PRSS23: variants seen among roughly 807,000 people sequenced by gnomAD.
PRSS23 encodes the protein serine protease 23.
Under a neutral mutation model 34.7 loss-of-function variants are expected in PRSS23, and 25 were observed. The ratio of observed to expected loss-of-function variants is 0.72; its 90% CI spans 0.53 to 1.01. The LOEUF (loss-of-function observed/expected upper bound fraction) is 1.01, where lower values mean the gene tolerates loss of function less well. Among genes scored for constraint, PRSS23 ranks in the 50% least tolerant of loss-of-function variants. PRSS23 has a pLI of 0.00. For missense variants in PRSS23, 445 were observed against 475.6 expected (o/e 0.94, Z 0.60); for synonymous variants, 176 against 186.6 (o/e 0.94, Z 0.46).
At position 86,843,650 on chromosome 11, in the gene PRSS23, C is replaced by T. The variant is rs531033245; in HGVS notation, c.206+20057C>T. On this transcript the variant is annotated intron_variant, in intron 2 of 2. Coordinates refer to the PRSS23 transcript ENST00000533902. Reference sequence around the variant, plus strand: ...CAAAAGAAGACATTTATGCAGCCAACAGACATATGAAAAAAAGCTCATCAT... The same window carrying T: ...CAAAAGAAGACATTTATGCAGCCAATAGACATATGAAAAAAAGCTCATCAT... Among the ~76,000 whole-genome samples the T allele has an allele frequency of 7.2e-5, 11 of 152,264 alleles. No homozygotes were observed. The South Asian group carries it at 2.3e-3, about 32-fold the overall frequency.
At chr11:86,795,480 C>T (rs550932269) in intron 1 of PRSS23, among the ~76,000 whole-genome samples, 2 of 152,312 alleles carry the variant, frequency 1.3e-5, no homozygotes, top group South Asian at 4.1e-4. Flanking sequence ...TTTGCTACTC[C>T]GGGATCCCAT....
chr11:86,833,212 A>T (rs770465574), intron 2 of PRSS23: 199 of 1,408,044 alleles, frequency 1.4e-4, no homozygotes, highest in Non-Finnish European at 1.9e-4. Context: ...TTGGATGTCC[A>T]CAATCATCTT....
chr11:86,865,185 A>G (rs1339599047), intron 2 of PRSS23, among the ~76,000 whole-genome samples: 1 of 152,194 alleles, frequency 6.6e-6, no homozygotes. Flanking sequence ...GCTCTATGGA[A>G]GCATCACGGT....
chr11:86,951,962 T>A (rs1170992645), exon 3 of PRSS23: 1 of 1,613,922 alleles, frequency 6.2e-7, no homozygotes, highest in Non-Finnish European at 8.5e-7. Flanking sequence ...AGCAATGCTA[T>A]AAATATTATA....
downstream of PRSS23, among the ~76,000 whole-genome samples, chr11:86,812,787 CAAAAAA>C (rs35855610): frequency 2.4e-5 from 2 of 83,920 alleles, no homozygotes; most frequent in East Asian, 3.1e-4. Flanking sequence ...GACTCTGTCT[CAAAAAA>C]AAAAAAAAAA....
chr11:86,865,681 CA>C (rs1035991534), intron 2 of PRSS23, among the ~76,000 whole-genome samples: 2 of 152,190 alleles, frequency 1.3e-5, no homozygotes, highest in African/African-American at 4.8e-5. Flanking sequence ...CTCAGATGGC[CA>C]ATTCCTGGCT....
At chr11:86,860,219 C>G (rs572708282) in intron 2 of PRSS23, among the ~76,000 whole-genome samples, 12 of 152,096 alleles carry the variant, frequency 7.9e-5, no homozygotes, top group African/African-American at 2.9e-4. Flanking sequence ...GTTGTTCACA[C>G]CCCCTGTGAT....
At chr11:86,828,783 G>C (rs1035689386) in intron 2 of PRSS23, among the ~76,000 whole-genome samples, 2 of 152,152 alleles carry the variant, frequency 1.3e-5, no homozygotes, top group Admixed American at 6.6e-5. Context: ...TGAAATTCTG[G>C]GTTGAAAATT....
In PRSS23 at chr11:86,880,452, A is replaced by T. The variant is rs1006898085; in HGVS notation, c.206+56859A>T. Among the ~76,000 whole-genome samples, 8 of 151,198 alleles carry T rather than the reference A, an allele frequency of 5.3e-5. No individual in the cohort carries two copies. The South Asian group carries it at 6.4e-4, about 12-fold the overall frequency. ...CCCAAGAATGATCAATAAAAAAAAT[A>T]AAAAAAATAAAAAGATAAGCCAAAA... On this transcript the variant is annotated intron_variant, in intron 2 of 2. Transcript: ENST00000533902.
At chr11:86,872,462 A>T (rs1948691502) in intron 2 of PRSS23, among the ~76,000 whole-genome samples, 1 of 152,186 alleles carries the variant, frequency 6.6e-6, no homozygotes, top group Admixed American at 6.5e-5. Context: ...TTATAAACAT[A>T]TCCGTACTCT....
intron 2 of PRSS23, among the ~76,000 whole-genome samples, chr11:86,881,841 C>A (rs1228180348): frequency 6.6e-6 from 1 of 152,132 alleles, no homozygotes; most frequent in Non-Finnish European, 1.5e-5. Flanking sequence ...GTCTTTCTAG[C>A]AATTTGTCCA....
intron 2 of PRSS23, among the ~76,000 whole-genome samples, chr11:86,941,187 G>A (rs983711095): frequency 6.6e-6 from 1 of 152,142 alleles, no homozygotes; most frequent in African/African-American, 2.4e-5. Context: ...TGTGTCCTTT[G>A]AGGGGTCAAA....
At chr11:86,793,925 C>T (rs1947966034) in intron 1 of PRSS23, among the ~76,000 whole-genome samples, 1 of 151,938 alleles carries the variant, frequency 6.6e-6, no homozygotes, top group Admixed American at 6.6e-5. Flanking sequence ...TTTAATACAA[C>T]CCTCTAAAAA....
Position 86,808,851 on chromosome 11 carries a change from G to T in PRSS23, c.*56G>T, listed in dbSNP as rs1262360966. The T allele has an allele frequency of 1.3e-6, 2 of 1,484,062 alleles. No homozygotes were observed. The highest frequency in any genetic ancestry group is 2.8e-5 in the African/African-American group (2 of 71,078). 91.9% of individuals were successfully genotyped at this position (1,484,062 alleles called of 1,614,324 possible). The stretch of plus-strand genomic sequence containing the variant: ...GTCTTCATGTTCTTATTTTAGGAGA[G>T]GCCAAATTGTTTTTTGTCATTGGCG... On this transcript the variant is annotated 3_prime_UTR_variant, in exon 2 of 2. Transcript: ENST00000280258.
At chr11:86,892,016 A>C (rs1190241032) in intron 2 of PRSS23, among the ~76,000 whole-genome samples, 3 of 152,232 alleles carry the variant, frequency 2.0e-5, no homozygotes, top group African/African-American at 7.2e-5. Flanking sequence ...GTGTGAAAAC[A>C]GACTGATACA....
intron 2 of PRSS23, among the ~76,000 whole-genome samples, chr11:86,839,068 A>AC (rs1948428439): frequency 6.6e-6 from 1 of 151,012 alleles, no homozygotes; most frequent in Non-Finnish European, 1.5e-5. Context: ...AAAAAAAAAA[A>AC]CAACAGAGCG....
chr11:86,847,613 C>T (rs1256774745), intron 2 of PRSS23, among the ~76,000 whole-genome samples: 1 of 152,104 alleles, frequency 6.6e-6, no homozygotes, highest in Non-Finnish European at 1.5e-5. Flanking sequence ...GGGCACCACA[C>T]CTTCCAAACC....
intron 2 of PRSS23, chr11:86,857,965 G>T: frequency 2.6e-6 from 1 of 383,124 alleles, no homozygotes; most frequent in South Asian, 2.3e-5. Flanking sequence ...ATCGCAGGGG[G>T]TTGTACACGC....
intron 2 of PRSS23, among the ~76,000 whole-genome samples, chr11:86,885,644 G>C (rs924467549): frequency 1.3e-5 from 2 of 152,184 alleles, no homozygotes; most frequent in East Asian, 3.9e-4. Context: ...TGCAACATTA[G>C]TTCTTCCCTG....
Sources: gnomAD v4.1 joint callset for allele counts (sites outside exome capture counted in the v4.1 genomes callset) on GRCh38, gnomAD v4.1.1 for gene constraint, MANE v1.5 for transcripts, NCBI Gene and HGNC (gene_info 2026-07-23, HGNC 2026-07-21) for gene names.